Variants in ZNF609 observed in about 807,000 individuals in gnomAD.
The protein encoded by ZNF609 is zinc finger protein 609.
In ZNF609, 11 loss-of-function variants were observed where a neutral mutation model predicts 109.5. That is an observed-to-expected ratio of 0.10 (90% CI 0.06 to 0.17). The LOEUF (loss-of-function observed/expected upper bound fraction) is 0.17. Among genes scored for constraint, ZNF609 ranks in the 10% least tolerant of loss-of-function variants. ZNF609 has a pLI of 1.00. For synonymous variants in ZNF609, 646 were observed against 662.0 expected, an observed-to-expected ratio of 0.98 and a Z score of 0.37; for missense variants, 1,559 against 1,772.4, an observed-to-expected ratio of 0.88 and a Z score of 2.16.
intron 2 of ZNF609, among the ~76,000 whole-genome samples, chr15:64,586,178 T>G (rs1465425020): frequency 6.6e-6 from 1 of 151,880 alleles, no homozygotes; most frequent in Non-Finnish European, 1.5e-5. Flanking sequence ...TACAAAAAAT[T>G]AGCCGGGCGT....
intron 2 of ZNF609, chr15:64,501,537 C>T (rs1754709955): frequency 1.3e-5 from 2 of 152,240 alleles, no homozygotes; most frequent in Non-Finnish European, 2.9e-5. Context: ...TGGTTACTAG[C>T]TTGGCTCATC....
intron 1 of ZNF609, among the ~76,000 whole-genome samples, chr15:64,490,685 A>G (rs1165196123): frequency 6.6e-6 from 1 of 152,176 alleles, no homozygotes; most frequent in Non-Finnish European, 1.5e-5. Flanking sequence ...ACTTTCACCA[A>G]ATGAATCTCT....
intron 1 of ZNF609, among the ~76,000 whole-genome samples, chr15:64,492,191 C>T (rs1439803299): frequency 3.3e-5 from 5 of 150,762 alleles, no homozygotes; most frequent in Admixed American, 6.6e-5. Flanking sequence ...TGCAGTGAGC[C>T]GAGATCACGC....
chr15:64,616,133 C>T (rs1018842339), intron 2 of ZNF609, among the ~76,000 whole-genome samples: 1 of 151,742 alleles, frequency 6.6e-6, no homozygotes, highest in Non-Finnish European at 1.5e-5. Context: ...GTAGCTGGGA[C>T]TATAGGGATG....
chr15:64,542,034 G>C (rs779833550), intron 2 of ZNF609, among the ~76,000 whole-genome samples: 8 of 151,848 alleles, frequency 5.3e-5, no homozygotes, highest in Non-Finnish European at 8.8e-5. Flanking sequence ...TGTAATTCCA[G>C]CTATTCAGGG....
chr15:64,475,840 A>T (rs1893162133), intron 1 of ZNF609, among the ~76,000 whole-genome samples: 1 of 152,224 alleles, frequency 6.6e-6, no homozygotes, highest in Non-Finnish European at 1.5e-5. Flanking sequence ...ATGCTTGATG[A>T]ATTGAATTAG....
At chr15:64,621,047 G>C (rs1895867795) in intron 2 of ZNF609, among the ~76,000 whole-genome samples, 1 of 152,304 alleles carries the variant, frequency 6.6e-6, no homozygotes, top group South Asian at 2.1e-4. Context: ...AAAGGACCTA[G>C]ACTAAGAAGT....
rs77236125 is a variant in ZNF609 at position 64,645,297 on chromosome 15, C to T, written c.973+22245C>T. On this transcript the variant is annotated intron_variant, in intron 3 of 9. Transcript: ENST00000326648. Reference sequence around the variant, plus strand: ...GTAGAGATGGGGTCTCACCATGTTACTTAGGCTGGTGTTGAACTCCTGGGC... The same window carrying T: ...GTAGAGATGGGGTCTCACCATGTTATTTAGGCTGGTGTTGAACTCCTGGGC... Among the ~76,000 whole-genome samples, 897 of 151,942 alleles carry T rather than the reference C, an allele frequency of 5.9e-3. 5 individuals carry two copies. Among genetic ancestry groups the T allele is most frequent in the African/African-American group, 0.019 (779 of 41,422 alleles).
chr15:64,602,716 C>CTTTTTTTTTTTTTTTTTT (rs10600561), intron 2 of ZNF609, among the ~76,000 whole-genome samples: 3 of 55,572 alleles, frequency 5.4e-5, no homozygotes, highest in Admixed American at 3.2e-4. Context: ...TTTTTTCTTT[C>CTTTTTTTTTTTTTTTTTT]TTTTTTTTTT....
rs1461591132 is a variant in ZNF609, at chr15:64,499,912, T to C, written c.493T>C (p.Ser165Pro). 1.2e-6 allele frequency: 2 copies of C among 1,614,010 alleles called. No individual in the cohort carries two copies. The highest frequency in any genetic ancestry group is 8.5e-7 in the Non-Finnish European group (1 of 1,179,998). The change falls in exon 2 of 10, where the codon TCT becomes CCT. Residue 165 changes from serine to proline, a missense_variant. Transcript: ENST00000326648. Reference sequence around the variant, plus strand: ...CAAAAAGGAGAAGGAGAACAGCTCATCTAAGAGCAAGAAGGAGAGAAGCGA... The same window carrying C: ...CAAAAAGGAGAAGGAGAACAGCTCACCTAAGAGCAAGAAGGAGAGAAGCGA... ...GSKKEKENSS[S>P]KSKKERSEGV...
rs2141024075 is a variant in ZNF609, at chr15:64,685,749, T to C, written c.*4063T>C. The C allele has an allele frequency of 6.5e-6, 1 of 152,804 alleles. No individual in the cohort carries two copies. The highest frequency in any genetic ancestry group is 1.9e-4 in the East Asian group (1 of 5,188). The allele number at this position is 152,804 out of a possible 1,614,324, so 9.5% of individuals were successfully genotyped here. A position where few individuals can be genotyped will look rare whatever the true frequency, so the allele number is the denominator to read the frequency against. Reference sequence around the variant, plus strand: ...AACTACCCCTAAAACTCCCCCGACATTCCAGCCTCTAGAATGCTCTGATCC... The same window carrying C: ...AACTACCCCTAAAACTCCCCCGACACTCCAGCCTCTAGAATGCTCTGATCC... On this transcript the variant is annotated 3_prime_UTR_variant, in exon 10 of 10. Transcript: ENST00000326648.
chr15:64,470,337 T>C (rs1432827841), intron 1 of ZNF609: 1 of 152,098 alleles, frequency 6.6e-6, no homozygotes, highest in Non-Finnish European at 1.5e-5. Flanking sequence ...TTTGAGCCAC[T>C]GCACCCAGCC....
intron 3 of ZNF609, among the ~76,000 whole-genome samples, chr15:64,626,998 C>T (rs986274559): frequency 6.6e-6 from 1 of 152,032 alleles, no homozygotes; most frequent in Non-Finnish European, 1.5e-5. Flanking sequence ...CACTTGAGGT[C>T]AGGAGTTTGA....
intron 3 of ZNF609, among the ~76,000 whole-genome samples, chr15:64,658,792 CAA>C (rs199554544): frequency 4.5e-5 from 6 of 133,078 alleles, no homozygotes; most frequent in Admixed American, 1.5e-4. Flanking sequence ...GATCCTGTCT[CAA>C]AAAAAAAAAA....
At chr15:64,473,836 G>A (rs1205042919) in intron 1 of ZNF609, among the ~76,000 whole-genome samples, 2 of 151,974 alleles carry the variant, frequency 1.3e-5, no homozygotes, top group Non-Finnish European at 2.9e-5. Flanking sequence ...GTGCAGTGGC[G>A]TGATCTCGGC....
chr15:64,663,636 A>G (rs1315017201), intron 3 of ZNF609, among the ~76,000 whole-genome samples: 1 of 152,138 alleles, frequency 6.6e-6, no homozygotes, highest in African/African-American at 2.4e-5. Flanking sequence ...GACCAGAGAG[A>G]TAGGAGGAAA....
chr15:64,642,384 T>C (rs1198320169), intron 3 of ZNF609, among the ~76,000 whole-genome samples: 1 of 152,054 alleles, frequency 6.6e-6, no homozygotes, highest in African/African-American at 2.4e-5. Flanking sequence ...TAGGTCTCGC[T>C]GTGTTGACCA....
intron 1 of ZNF609, among the ~76,000 whole-genome samples, chr15:64,497,631 G>A (rs904560209): frequency 4.6e-5 from 7 of 152,106 alleles, no homozygotes; most frequent in African/African-American, 1.7e-4. Flanking sequence ...GCTGGACACG[G>A]TGGCTCATAC....
At chr15:64,655,115 C>T (rs1595753945) in intron 3 of ZNF609, among the ~76,000 whole-genome samples, 1 of 140,426 alleles carries the variant, frequency 7.1e-6, no homozygotes, top group Non-Finnish European at 1.5e-5. Context: ...AAAAGTATAG[C>T]ACCAAGTTGA....
Sources: gnomAD v4.1 joint callset for allele counts (sites outside exome capture counted in the v4.1 genomes callset) on GRCh38, gnomAD v4.1.1 for gene constraint, MANE v1.5 for transcripts, NCBI Gene and HGNC (gene_info 2026-07-23, HGNC 2026-07-21) for gene names.